Variants in RBFOX3 observed in about 807,000 individuals in gnomAD.
RBFOX3 encodes RNA binding protein fox-1 homolog 3.
RBFOX3 carries 17 observed loss-of-function variants against 48.7 expected under a neutral mutation model. The observed-to-expected ratio is 0.35, with a 90% CI of 0.24 to 0.52. RBFOX3 has a LOEUF of 0.52. RBFOX3 is among the 20% of genes least tolerant of loss of function. The pLI, the probability that RBFOX3 is intolerant of heterozygous loss-of-function variation, is 0.94. For missense variants in RBFOX3, 382 were observed against 497.5 expected, an observed-to-expected ratio of 0.77 and a Z score of 2.21; for synonymous variants, 212 against 209.5, an observed-to-expected ratio of 1.01 and a Z score of -0.10.
chr17:79,540,643 C>T (rs1373567821), intron 1 of RBFOX3, among the ~76,000 whole-genome samples: 6 of 152,204 alleles, frequency 3.9e-5, no homozygotes, highest in African/African-American at 7.2e-5. Context: ...ATTCACATAC[C>T]GCCGTGGTGC....
intron 1 of RBFOX3, among the ~76,000 whole-genome samples, chr17:79,519,511 G>A (rs2085751736): frequency 6.6e-6 from 1 of 152,310 alleles, no homozygotes; most frequent in Non-Finnish European, 1.5e-5. Flanking sequence ...GAGAGGAGAC[G>A]GCTCCCCACC....
chr17:79,505,766 A>G (rs2083024262), intron 1 of RBFOX3, among the ~76,000 whole-genome samples: 1 of 152,208 alleles, frequency 6.6e-6, no homozygotes, highest in African/African-American at 2.4e-5. Flanking sequence ...GCACGCCTCT[A>G]AGGGCAGACA....
intron 4 of RBFOX3, among the ~76,000 whole-genome samples, chr17:79,224,162 C>T (rs1371730574): frequency 6.6e-6 from 1 of 152,138 alleles, no homozygotes; most frequent in Non-Finnish European, 1.5e-5. Context: ...CCTGGCCTCT[C>T]CCCTTCCAGG....
At chr17:79,495,118 A>C (rs2081247628) in intron 1 of RBFOX3, among the ~76,000 whole-genome samples, 6 of 151,762 alleles carry the variant, frequency 4.0e-5, no homozygotes, top group Admixed American at 3.9e-4. Context: ...CCCCCTCCTC[A>C]CAGCCCATCC....
intron 9 of RBFOX3, 54 bp downstream of exon 9, chr17:79,101,530 C>T (rs2076433162): frequency 3.4e-6 from 5 of 1,459,932 alleles, no homozygotes; most frequent in South Asian, 1.2e-5. Context: ...TCCCCCAGGG[C>T]CTCTGTCCCA....
At chr17:79,611,130 TTCTCTCTCTCTCTC>T (rs1173570495), upstream of RBFOX3, among the ~76,000 whole-genome samples, 2 of 37,846 alleles carry the variant, frequency 5.3e-5, no homozygotes, top group African/African-American at 5.1e-4. Flanking sequence ...TCCGCCCTCC[TTCTCTCTCTCTCTC>T]TCTCTCTCTC....
rs867240465 is a variant in RBFOX3, at chr17:79,119,008, T to A, written c.-33-3260A>T. Among the ~76,000 whole-genome samples, 1,026 of 140,820 alleles carry A rather than the reference T, an allele frequency of 7.3e-3. 42 individuals are homozygous for A. In the East Asian group the frequency reaches 0.094, roughly 13 times the overall value. The allele number at this position is 140,820 out of a possible 152,430, so 92.4% of individuals were successfully genotyped here. ...AAAAAAAAAAATAAAGAAAATAAAA[T>A]AAAAAAGAAAGCGCAGCTCCTGTCC... On this transcript the variant is annotated intron_variant, in intron 4 of 14. Coordinates refer to ENST00000693108, the MANE Select transcript of RBFOX3 (RefSeq NM_001350451.2).
intron 1 of RBFOX3, among the ~76,000 whole-genome samples, chr17:79,580,498 C>T (rs1355902624): frequency 2.6e-5 from 4 of 152,188 alleles, no homozygotes; most frequent in Admixed American, 6.5e-5. Flanking sequence ...TGGGCATAGA[C>T]GACTGTTCAG....
intron 2 of RBFOX3, among the ~76,000 whole-genome samples, chr17:79,309,350 C>T (rs536401880): frequency 9.0e-6 from 1 of 111,574 alleles, no homozygotes; most frequent in Non-Finnish European, 2.2e-5. Context: ...CCTCTCCCAC[C>T]CCGTGGCTCT....
At chr17:79,427,081 G>A (rs868989048) in intron 2 of RBFOX3, among the ~76,000 whole-genome samples, 9 of 152,274 alleles carry the variant, frequency 5.9e-5, no homozygotes, top group African/African-American at 1.7e-4. Context: ...CTCAGTTCCC[G>A]CCAATCCCGA....
intron 4 of RBFOX3, among the ~76,000 whole-genome samples, chr17:79,168,645 C>T (rs977102818): frequency 1.3e-5 from 2 of 152,214 alleles, no homozygotes; most frequent in Non-Finnish European, 2.9e-5. Context: ...TGTCCACATC[C>T]GCTGATGAAT....
At chr17:79,310,596 C>T (rs1475867813) in intron 2 of RBFOX3, among the ~76,000 whole-genome samples, 6 of 152,118 alleles carry the variant, frequency 3.9e-5, no homozygotes. Flanking sequence ...GGGTCCTGTC[C>T]TGTCGGCGAG....
chr17:79,426,530 G>A (rs1469970712), intron 2 of RBFOX3, among the ~76,000 whole-genome samples: 5 of 152,082 alleles, frequency 3.3e-5, no homozygotes, highest in African/African-American at 9.7e-5. Context: ...TATCATCCTC[G>A]TTTTACCGGT....
the RBFOX3 span, among the ~76,000 whole-genome samples, chr17:79,657,133 AGAG>A: frequency 6.6e-6 from 1 of 152,092 alleles, no homozygotes; most frequent in African/African-American, 2.4e-5. Context: ...GCACCCTGGA[AGAG>A]GAGAAGAATG....
chr17:79,431,278 G>A (rs138856793), intron 2 of RBFOX3, among the ~76,000 whole-genome samples: 2 of 152,228 alleles, frequency 1.3e-5, no homozygotes, highest in East Asian at 1.9e-4. Flanking sequence ...ATTGTTCCTA[G>A]GGGAAACACA....
Position 79,510,754 on chromosome 17 carries a change from C to T in RBFOX3, c.-319-28156G>A, listed in dbSNP as rs967276430. On this transcript the variant is annotated intron_variant, in intron 1 of 14. Coordinates refer to ENST00000693108, the MANE Select transcript of RBFOX3 (RefSeq NM_001350451.2). Reference sequence around the variant, plus strand: ...GGACGGAGGACGTTTCCCTGGCATCCGTCACCAAACTTTTTCCTTTGGGCG... The same window carrying T: ...GGACGGAGGACGTTTCCCTGGCATCTGTCACCAAACTTTTTCCTTTGGGCG... 8.1e-4 allele frequency among the ~76,000 whole-genome samples: 124 copies of T among 152,256 alleles called. 2 individuals carry two copies. The East Asian group carries it at 0.019, about 24-fold the overall frequency.
At chr17:79,216,056 C>T (rs1270689565) in intron 4 of RBFOX3, among the ~76,000 whole-genome samples, 1 of 152,230 alleles carries the variant, frequency 6.6e-6, no homozygotes, top group African/African-American at 2.4e-5. Context: ...TGCCCCCAAG[C>T]GTCCTCAGCC....
At chr17:79,620,374 TACAC>T in the RBFOX3 span, among the ~76,000 whole-genome samples, 4,316 of 98,492 alleles carry the variant, frequency 0.044, 373 homozygotes, top group East Asian at 0.33. Context: ...CACACGGACA[TACAC>T]ACACATGCAC....
At chr17:79,139,182 C>T (rs2041371172) in intron 4 of RBFOX3, among the ~76,000 whole-genome samples, 1 of 152,214 alleles carries the variant, frequency 6.6e-6, no homozygotes, top group Non-Finnish European at 1.5e-5. Flanking sequence ...CACCCATGTC[C>T]ACACACATTC....
Sources: gnomAD v4.1 joint callset for allele counts (sites outside exome capture counted in the v4.1 genomes callset) on GRCh38, gnomAD v4.1.1 for gene constraint, MANE v1.5 for transcripts, NCBI Gene and HGNC (gene_info 2026-07-23, HGNC 2026-07-21) for gene names.